Variants in ASRGL1 observed in about 807,000 individuals in gnomAD.
ASRGL1 encodes asparaginase and isoaspartyl peptidase 1.
Under a neutral mutation model 22.4 loss-of-function variants are expected in ASRGL1, and 16 were observed. That is an observed-to-expected ratio of 0.71 (90% confidence interval 0.48 to 1.08). The LOEUF (loss-of-function observed/expected upper bound fraction) is 1.08, where lower values mean the gene tolerates loss of function less well. Ranked by LOEUF, ASRGL1 falls within the 50% of genes least tolerant of loss-of-function variation. ASRGL1 has a pLI of 0.00. For missense variants in ASRGL1, 412 were observed against 410.1 expected, an observed-to-expected ratio of 1.00 and a Z score of -0.04; for synonymous variants, 165 against 159.3, an observed-to-expected ratio of 1.04 and a Z score of -0.27.
chr11:62,369,037 G>A (rs374852735), intron 4 of ASRGL1, among the ~76,000 whole-genome samples: 129 of 152,234 alleles, frequency 8.5e-4, no homozygotes, highest in East Asian at 7.3e-3. Context: ...GACCCTTTAC[G>A]GGTGTCAGGC....
At chr11:62,397,965 AG>A (rs1947450592), downstream of ASRGL1, among the ~76,000 whole-genome samples, 1 of 151,990 alleles carries the variant, frequency 6.6e-6, no homozygotes, top group Non-Finnish European at 1.5e-5. Flanking sequence ...CTTGCTGGGT[AG>A]TTAGGGCCCC....
At chr11:62,338,538 CAA>C (rs1307734412) in intron 2 of ASRGL1, among the ~76,000 whole-genome samples, 2 of 152,114 alleles carry the variant, frequency 1.3e-5, no homozygotes, top group East Asian at 3.9e-4. Flanking sequence ...AGTTAAGATT[CAA>C]AGATTTTCTG....
chr11:62,347,665 G>C (rs1946061758), intron 2 of ASRGL1, among the ~76,000 whole-genome samples: 1 of 151,712 alleles, frequency 6.6e-6, no homozygotes, highest in Admixed American at 6.6e-5. Context: ...TTGCAAGCCA[G>C]GTGTGTTGGC....
At chr11:62,359,405 C>T (rs892503619) in intron 4 of ASRGL1, among the ~76,000 whole-genome samples, 22 of 151,688 alleles carry the variant, frequency 1.5e-4, no homozygotes, top group African/African-American at 4.8e-4. Context: ...AAGATCGCGC[C>T]ATTGCACTCC....
At chr11:62,395,368 AG>A (rs1947420006), downstream of ASRGL1, among the ~76,000 whole-genome samples, 1 of 152,120 alleles carries the variant, frequency 6.6e-6, no homozygotes, top group Non-Finnish European at 1.5e-5. Context: ...TGGGATAATA[AG>A]GAGCACAAGA....
At chr11:62,362,944 AG>A (rs1384687813) in intron 4 of ASRGL1, among the ~76,000 whole-genome samples, 1 of 66,830 alleles carries the variant, frequency 1.5e-5, no homozygotes, top group Non-Finnish European at 2.5e-5. Flanking sequence ...TTTGAGACAG[AG>A]TCTTGCTGTG....
chr11:62,348,760 G>T (rs942783986), intron 2 of ASRGL1, among the ~76,000 whole-genome samples: 1 of 151,902 alleles, frequency 6.6e-6, no homozygotes, highest in African/African-American at 2.4e-5. Flanking sequence ...GCACTGAATT[G>T]TTTCTGGGCG....
intron 4 of ASRGL1, among the ~76,000 whole-genome samples, chr11:62,377,796 T>C (rs1946966608): frequency 1.3e-5 from 2 of 152,180 alleles, no homozygotes; most frequent in African/African-American, 2.4e-5. Context: ...GACCAATTAA[T>C]GTAACTATTT....
At chr11:62,389,727 T>G in intron 5 of ASRGL1, 1 of 249,570 alleles carries the variant, frequency 4.0e-6, no homozygotes. Context: ...TTGTTTACAT[T>G]AACGGGGAAG....
chr11:62,353,540 G>A (rs2134597973), intron 2 of ASRGL1, among the ~76,000 whole-genome samples: 1 of 151,666 alleles, frequency 6.6e-6, no homozygotes, highest in South Asian at 2.1e-4. Flanking sequence ...GTCTTGCTGT[G>A]TTGTCCAGGT....
chr11:62,376,853 A>G (rs1356599336), intron 4 of ASRGL1, among the ~76,000 whole-genome samples: 1 of 152,230 alleles, frequency 6.6e-6, no homozygotes, highest in African/African-American at 2.4e-5. Flanking sequence ...GCAAAACAAG[A>G]CAATAAATGT....
intron 4 of ASRGL1, among the ~76,000 whole-genome samples, chr11:62,368,636 G>A (rs1191926831): frequency 6.6e-6 from 1 of 152,118 alleles, no homozygotes; most frequent in Non-Finnish European, 1.5e-5. Context: ...GACCCACTCT[G>A]GCACTGGTCT....
At chr11:62,398,396 T>C (rs2134716325), downstream of ASRGL1, among the ~76,000 whole-genome samples, 1 of 152,270 alleles carries the variant, frequency 6.6e-6, no homozygotes, top group Non-Finnish European at 1.5e-5. Context: ...GAGCCAGAGC[T>C]ACCCCACGTG....
At chr11:62,401,185 T>G in the ASRGL1 span, among the ~76,000 whole-genome samples, 1 of 152,234 alleles carries the variant, frequency 6.6e-6, no homozygotes, top group South Asian at 2.1e-4. Flanking sequence ...GTGCTGTGCC[T>G]GTTTTTCAGA....
chr11:62,342,625 G>A (rs1445597331), intron 2 of ASRGL1, among the ~76,000 whole-genome samples: 1 of 40,566 alleles, frequency 2.5e-5, no homozygotes, highest in East Asian at 0.05. Flanking sequence ...GGCATGGTAT[G>A]GCACACCTGG....
At chr11:62,362,813 TACACACACACACAC>T (rs57501048) in intron 4 of ASRGL1, among the ~76,000 whole-genome samples, 5 of 83,854 alleles carry the variant, frequency 6.0e-5, no homozygotes, top group South Asian at 4.1e-4. Context: ...TTATCTGACA[TACACACACACACAC>T]ACACACACAC....
chr11:62,353,403 G>A (rs998107650), intron 2 of ASRGL1, among the ~76,000 whole-genome samples: 3 of 149,692 alleles, frequency 2.0e-5, no homozygotes, highest in African/African-American at 7.4e-5. Context: ...GGAGTACGGT[G>A]GTGTGATCAC....
chr11:62,357,165 G>C (rs758168902), intron 4 of ASRGL1, 21 bp downstream of exon 4: 4 of 1,606,348 alleles, frequency 2.5e-6, no homozygotes, highest in African/African-American at 1.3e-5. Context: ...CCTGTGGCTC[G>C]CATTATTTGG....
chr11:62,380,067 T>C (rs1947026687), intron 4 of ASRGL1, among the ~76,000 whole-genome samples: 2 of 152,204 alleles, frequency 1.3e-5, no homozygotes, highest in South Asian at 4.1e-4. Flanking sequence ...ACCACAATTA[T>C]AACATTTTCC....
Sources: gnomAD v4.1 joint callset for allele counts (sites outside exome capture counted in the v4.1 genomes callset) on GRCh38, gnomAD v4.1.1 for gene constraint, MANE v1.5 for transcripts, NCBI Gene and HGNC (gene_info 2026-07-23, HGNC 2026-07-21) for gene names.